The following CTNNA2 variants were observed in gnomAD, a reference collection of about 807,000 sequenced individuals.
CTNNA2 encodes the protein catenin alpha-2.
Under a neutral mutation model 101.0 loss-of-function variants are expected in CTNNA2, and 42 were observed. The ratio of observed to expected loss-of-function variants is 0.42; its 90% CI spans 0.32 to 0.54. CTNNA2 has a LOEUF of 0.54. Among genes scored for constraint, CTNNA2 ranks in the 20% least tolerant of loss-of-function variants. The pLI, the probability that CTNNA2 is intolerant of heterozygous loss-of-function variation, is 0.14. For missense variants in CTNNA2, 871 were observed against 1,223.1 expected (o/e 0.71, Z 4.29); for synonymous variants, 450 against 456.4 (o/e 0.99, Z 0.18).
chr2:79,637,807 A>G (rs1387597900), intron 1 of CTNNA2, among the ~76,000 whole-genome samples: 1 of 152,238 alleles, frequency 6.6e-6, no homozygotes. Context: ...TTATCTTGGA[A>G]AAAAACAGAT....
At chr2:79,868,152 T>A (rs1003748951) in intron 4 of CTNNA2, among the ~76,000 whole-genome samples, 2 of 152,188 alleles carry the variant, frequency 1.3e-5, no homozygotes, top group African/African-American at 4.8e-5. Context: ...AGAGCCTAGA[T>A]AGGAATTGGG....
intron 9 of CTNNA2, among the ~76,000 whole-genome samples, chr2:80,444,677 T>A (rs1039918976): frequency 2.0e-5 from 3 of 152,130 alleles, no homozygotes; most frequent in Non-Finnish European, 2.9e-5. Context: ...GCACCTATGA[T>A]GTGATTAGCG....
Position 80,300,779 on chromosome 2 carries a change from A to C in CTNNA2, c.1057-92432A>C, listed in dbSNP as rs1361719935. ...ATACATTTGCTTAAATTGTCATCTG[A>C]TGAAGGAGCCCTCCGTCCAATGCAC... On this transcript the variant is annotated intron_variant, in intron 7 of 18. Coordinates refer to ENST00000402739, the MANE Select transcript of CTNNA2 (RefSeq NM_001282597.3). Among the ~76,000 whole-genome samples the C allele has an allele frequency of 2.6e-5, 4 of 152,104 alleles. No individual in the cohort carries two copies. In the East Asian group the frequency reaches 5.8e-4, roughly 22 times the overall value.
intron 7 of CTNNA2, among the ~76,000 whole-genome samples, chr2:80,273,199 GGGA>G (rs1370447780): frequency 6.6e-6 from 1 of 152,008 alleles, no homozygotes; most frequent in African/African-American, 2.4e-5. Context: ...GGGTGGAGAG[GGGA>G]GAAGAAGGTT....
intron 18 of CTNNA2, among the ~76,000 whole-genome samples, chr2:80,623,822 C>T (rs189197066): frequency 6.6e-6 from 1 of 151,992 alleles, no homozygotes; most frequent in East Asian, 1.9e-4. Flanking sequence ...ACAGAACTGA[C>T]TCATTCTGTT....
intron 1 of CTNNA2, among the ~76,000 whole-genome samples, chr2:79,636,464 G>A (rs1008843124): frequency 2.0e-5 from 3 of 151,740 alleles, no homozygotes; most frequent in Non-Finnish European, 2.9e-5. Context: ...GTACAAAGAC[G>A]ACTAAGAATA....
At chr2:79,447,028 T>G (rs185309709) in intron 4 of CTNNA2, among the ~76,000 whole-genome samples, 10 of 152,126 alleles carry the variant, frequency 6.6e-5, no homozygotes, top group Admixed American at 6.6e-4. Flanking sequence ...CAGTTCCAAA[T>G]AAAAGAAAGA....
At chr2:80,474,041 G>A (rs1362303057) in intron 9 of CTNNA2, among the ~76,000 whole-genome samples, 1 of 152,134 alleles carries the variant, frequency 6.6e-6, no homozygotes, top group Admixed American at 6.5e-5. Flanking sequence ...TCAGTTCTCT[G>A]CAGTCTTTAC....
chr2:80,556,716 GAGATA>G (rs1693069985), intron 12 of CTNNA2, among the ~76,000 whole-genome samples: 1 of 142,946 alleles, frequency 7.0e-6, no homozygotes, highest in African/African-American at 2.4e-5. Context: ...TTATATATAT[GAGATA>G]AGATATATAG....
At chr2:79,280,784 G>T (rs1449102430) in intron 2 of CTNNA2, among the ~76,000 whole-genome samples, 1 of 151,550 alleles carries the variant, frequency 6.6e-6, no homozygotes, top group African/African-American at 2.4e-5. Flanking sequence ...CCCTTGGTTG[G>T]CTAGAACATG....
Position 80,559,891 on chromosome 2 carries a change from T to TATATATATACACAC in CTNNA2, c.1741+3999_1741+4000insTATATATACACACA, listed in dbSNP as rs1553387588. Among the ~76,000 whole-genome samples, 1,149 of 146,860 alleles carry TATATATATACACAC rather than the reference T, an allele frequency of 7.8e-3. 33 individuals carry two copies. The highest frequency in any genetic ancestry group is 0.029 in the African/African-American group (1,094 of 38,194). ...GCGATATCATATTTATATATATATA[T>TATATATATACACAC]ACACACACATACAGTAGCTCATTCT... On this transcript the variant is annotated intron_variant, in intron 12 of 18. Coordinates refer to ENST00000402739, the MANE Select transcript of CTNNA2 (RefSeq NM_001282597.3).
chr2:80,528,226 C>T (rs369231156), intron 9 of CTNNA2, among the ~76,000 whole-genome samples: 50 of 152,148 alleles, frequency 3.3e-4, no homozygotes, highest in Admixed American at 2.8e-3. Context: ...GATGGAGTCT[C>T]GCTCAGTCGC....
rs1031063724 is a variant in CTNNA2 at position 80,050,032 on chromosome 2, C to A, written c.1056+140235C>A. Among the ~76,000 whole-genome samples, 3 of 152,096 alleles carry A rather than the reference C, an allele frequency of 2.0e-5. No homozygotes were observed. In the East Asian group the frequency reaches 5.8e-4, roughly 29 times the overall value. On this transcript the variant is annotated intron_variant, in intron 7 of 18. Coordinates refer to ENST00000402739, the MANE Select transcript of CTNNA2 (RefSeq NM_001282597.3). ...CCGTGCCCTCTCCTTCCTCTTCCCA[C>A]CACCCCAACACACTAAGATAGAGTA... is the stretch of plus-strand genomic sequence containing the variant.
chr2:80,321,453 G>A (rs564544762), intron 7 of CTNNA2, among the ~76,000 whole-genome samples: 4 of 152,300 alleles, frequency 2.6e-5, no homozygotes, highest in African/African-American at 4.8e-5. Flanking sequence ...GGGGAAGTAC[G>A]CATTGAGATG....
intron 4 of CTNNA2, among the ~76,000 whole-genome samples, chr2:79,405,122 G>T (rs1226589131): frequency 1.3e-5 from 2 of 151,894 alleles, no homozygotes; most frequent in African/African-American, 2.4e-5. Context: ...ATCCTATGTG[G>T]GCCTGACTTA....
chr2:79,243,292 GC>G (rs1230779975), intron 2 of CTNNA2, among the ~76,000 whole-genome samples: 1 of 152,104 alleles, frequency 6.6e-6, no homozygotes, highest in African/African-American at 2.4e-5. Flanking sequence ...CATGGTTAAA[GC>G]TTTTCAGTCA....
intron 7 of CTNNA2, among the ~76,000 whole-genome samples, chr2:80,293,960 G>T (rs1301191920): frequency 6.6e-6 from 1 of 152,184 alleles, no homozygotes; most frequent in Non-Finnish European, 1.5e-5. Context: ...CTTTGTAACT[G>T]CAGGACTTCA....
At chr2:79,344,160 T>A (rs1274860314) in intron 3 of CTNNA2, among the ~76,000 whole-genome samples, 1 of 147,772 alleles carries the variant, frequency 6.8e-6, no homozygotes, top group Non-Finnish European at 1.5e-5. Flanking sequence ...CAGTGAATTG[T>A]CAAAGGCACC....
At chr2:79,259,113 C>T (rs4144315) in intron 2 of CTNNA2, among the ~76,000 whole-genome samples, 70,730 of 151,938 alleles carry the variant, frequency 0.47, 16,860 homozygotes, top group Non-Finnish European at 0.5. Context: ...CCTATTTCTA[C>T]GAAATCAGCT....
Sources: allele counts gnomAD v4.1 joint callset (sites outside exome capture counted in the v4.1 genomes callset), GRCh38; gene constraint gnomAD v4.1.1; transcripts MANE v1.5; gene names NCBI Gene and HGNC (gene_info 2026-07-23, HGNC 2026-07-21).